The following STAMBP variants were observed in gnomAD, a reference collection of about 807,000 sequenced individuals.
STAMBP encodes the protein STAM binding protein, also known as STAM-binding protein.
In STAMBP, 31 loss-of-function variants were observed where a neutral mutation model predicts 50.7. The ratio of observed to expected loss-of-function variants is 0.61; its 90% CI spans 0.46 to 0.83. The LOEUF (loss-of-function observed/expected upper bound fraction) is 0.83. Ranked by LOEUF, STAMBP falls within the 40% of genes least tolerant of loss-of-function variation. The pLI is 0.00. For synonymous variants in STAMBP, 211 were observed against 192.4 expected (o/e 1.10, Z -0.80); for missense variants, 472 against 518.9 (o/e 0.91, Z 0.88).
chr2:73,830,810 A>G (rs1420777055), intron 1 of STAMBP, 35 bp from the exon 2 acceptor site: 4 of 1,549,768 alleles, frequency 2.6e-6, no homozygotes, highest in Non-Finnish European at 2.7e-6. Context: ...TGATGAGGGC[A>G]ACGGTATTGA....
At chr2:73,846,941 G>T (rs1240188097) in intron 4 of STAMBP, among the ~76,000 whole-genome samples, 4 of 152,000 alleles carry the variant, frequency 2.6e-5, no homozygotes, top group African/African-American at 9.7e-5. Context: ...AATTAGCCAG[G>T]TGTGGTGGTG....
intron 5 of STAMBP, 54 bp downstream of exon 5, chr2:73,847,807 A>T (rs533310244): frequency 1.3e-6 from 2 of 1,560,754 alleles, no homozygotes; most frequent in Admixed American, 3.7e-5. Context: ...AAACAGTATC[A>T]TTCTGACGGG....
intron 7 of STAMBP, among the ~76,000 whole-genome samples, chr2:73,857,238 C>G (rs1677663704): frequency 6.6e-6 from 1 of 152,168 alleles, no homozygotes; most frequent in Non-Finnish European, 1.5e-5. Context: ...GGCCCGATGT[C>G]TTGATGCCTT....
At chr2:73,855,578 A>C in intron 7 of STAMBP, 1 of 456,012 alleles carries the variant, frequency 2.2e-6, no homozygotes, top group Non-Finnish European at 4.4e-6. Flanking sequence ...GTGTTGGCAC[A>C]GGCCACTGCT....
In STAMBP at chr2:73,845,291, T is replaced by C. The variant is rs1032599998; in HGVS notation, c.375+29T>C. 1.1e-5 allele frequency: 17 copies of C among 1,533,918 alleles called. 1 individual carries two copies. The highest frequency in any genetic ancestry group is 1.5e-5 in the Non-Finnish European group (17 of 1,113,990). On this transcript the variant is annotated intron_variant, in intron 4 of 9. Transcript: ENST00000394070. Reference sequence around the variant, plus strand: ...AGTATATAACAGCTAAGAAGAAAATTATTTTGCTTTTTTAGGCTGTGCCCT... The same window carrying C: ...AGTATATAACAGCTAAGAAGAAAATCATTTTGCTTTTTTAGGCTGTGCCCT...
intron 4 of STAMBP, among the ~76,000 whole-genome samples, chr2:73,845,633 AT>A (rs944316554): frequency 0.013 from 1,773 of 136,526 alleles, 14 homozygotes; most frequent in Admixed American, 0.039. Context: ...TTTTCAAGCT[AT>A]TTTTTTTTTT....
intron 7 of STAMBP, among the ~76,000 whole-genome samples, chr2:73,852,845 T>TTG (rs55727735): frequency 0.45 from 57,595 of 127,362 alleles, 14,036 homozygotes; most frequent in South Asian, 0.53. Context: ...GCCTGGCTAA[T>TTG]TGTGTGTGTG....
downstream of STAMBP, among the ~76,000 whole-genome samples, chr2:73,869,802 A>G (rs993338359): frequency 7.9e-5 from 12 of 152,328 alleles, no homozygotes; most frequent in Non-Finnish European, 1.5e-4. Context: ...CGAGGACTAG[A>G]TTAAGAATCA....
chr2:73,852,549 G>A (rs1444987829), intron 7 of STAMBP, among the ~76,000 whole-genome samples: 1 of 152,158 alleles, frequency 6.6e-6, no homozygotes, highest in Non-Finnish European at 1.5e-5. Flanking sequence ...AGCAAGAAAA[G>A]GTTCACTGGC....
In STAMBP at chr2:73,832,108, T is replaced by TATAC. The variant is rs1006072205; in HGVS notation, c.203+1050_203+1051insTACA. Among the ~76,000 whole-genome samples, 58 of 122,804 alleles carry TATAC rather than the reference T, an allele frequency of 4.7e-4. 2 individuals are homozygous for TATAC. The highest frequency in any genetic ancestry group is 1.4e-3 in the Admixed American group (17 of 11,806). The allele number at this position is 122,804 out of a possible 152,430, so 80.6% of individuals were successfully genotyped here. A position where few individuals can be genotyped will look rare whatever the true frequency, so the allele number is the denominator to read the frequency against. ...ACATATATATATATATATATATATA[T>TATAC]ACACATATATATGGTGCACAATTCA... is the stretch of plus-strand genomic sequence containing the variant. On this transcript the variant is annotated intron_variant, in intron 2 of 9. Transcript: ENST00000394070.
In STAMBP at chr2:73,862,612, A is replaced by G. The variant is rs1678468428; in HGVS notation, c.*353A>G. ...TTTTTTTCCTCTCAGCTATCCTTCTAATTTCTCTCTAATTTCAATTTGTTT... is the reference window on the plus strand; with the variant it reads ...TTTTTTTCCTCTCAGCTATCCTTCTGATTTCTCTCTAATTTCAATTTGTTT... On this transcript the variant is annotated 3_prime_UTR_variant, in exon 10 of 10. Coordinates refer to ENST00000394070, the MANE Select transcript of STAMBP (RefSeq NM_213622.4). 1 of 160,052 alleles carries G rather than the reference A, an allele frequency of 6.2e-6. No homozygotes were observed. Among genetic ancestry groups the G allele is most frequent in the African/African-American group, 2.4e-5 (1 of 41,688 alleles). 9.9% of individuals were successfully genotyped at this position (160,052 alleles called of 1,614,324 possible).
At chr2:73,871,416 T>G (rs983830730), downstream of STAMBP, among the ~76,000 whole-genome samples, 2 of 151,590 alleles carry the variant, frequency 1.3e-5, no homozygotes, top group African/African-American at 4.8e-5. Context: ...GGCGTGGTGG[T>G]GGGTGCCTGC....
At chr2:73,867,809 C>A (rs1023500586), downstream of STAMBP, among the ~76,000 whole-genome samples, 8 of 151,720 alleles carry the variant, frequency 5.3e-5, no homozygotes, top group African/African-American at 1.9e-4. Context: ...ACTAGGAAAC[C>A]AGGGGGAAAG....
chr2:73,852,915 CAG>C (rs1419812097), intron 7 of STAMBP, among the ~76,000 whole-genome samples: 6 of 81,102 alleles, frequency 7.4e-5, no homozygotes, highest in Non-Finnish European at 1.5e-4. Flanking sequence ...CTATGTTGGC[CAG>C]GTGTGTGTGT....
At position 73,865,637 on chromosome 2, in the gene STAMBP, G is replaced by A. The variant is rs1457175068; in HGVS notation, c.*3378G>A. The A allele has an allele frequency of 1.3e-5, 2 of 152,194 alleles. No homozygotes were observed. Among genetic ancestry groups the A allele is most frequent in the East Asian group, 3.9e-4 (2 of 5,192 alleles). The allele number at this position is 152,194 out of a possible 1,614,324, so 9.4% of individuals were successfully genotyped here. A position where few individuals can be genotyped will look rare whatever the true frequency, so the allele number is the denominator to read the frequency against. ...AAATTTCTTTAAAATCTGTAAAATG[G>A]GATCAGTCTAATATGCCTACCTCAA... On this transcript the variant is annotated 3_prime_UTR_variant, in exon 10 of 10. Transcript: ENST00000394070.
rs928182469 is a variant in STAMBP at position 73,853,428 on chromosome 2, A to G, written c.1005+2915A>G. Among the ~76,000 whole-genome samples, 10 of 152,216 alleles carry G rather than the reference A, an allele frequency of 6.6e-5. No homozygotes were observed. The East Asian group carries it at 1.9e-3, about 29-fold the overall frequency. On this transcript the variant is annotated intron_variant, in intron 7 of 9. Transcript: ENST00000394070. ...TGTAATAAGAAAGCACACAGAAACT[A>G]AATATATACTTTAGGCCGGGTGCGG...
chr2:73,873,036 T>C (rs1359943232), intron 10 of STAMBP, among the ~76,000 whole-genome samples: 1 of 152,178 alleles, frequency 6.6e-6, no homozygotes, highest in African/African-American at 2.4e-5. Flanking sequence ...GCACAAGATA[T>C]GGTAAATGTA....
chr2:73,859,490 G>T, intron 8 of STAMBP, 124 bp downstream of exon 8: 6 of 761,884 alleles, frequency 7.9e-6, no homozygotes, highest in Non-Finnish European at 1.3e-5. Context: ...AATGTAAGTT[G>T]GTTATTCTAA....
At chr2:73,851,276 A>G (rs765754827) in intron 7 of STAMBP, among the ~76,000 whole-genome samples, 1 of 152,196 alleles carries the variant, frequency 6.6e-6, no homozygotes, top group Non-Finnish European at 1.5e-5. Flanking sequence ...ATTATTGTGT[A>G]TCCCCATCCC....
Sources: gnomAD v4.1 joint callset for allele counts (sites outside exome capture counted in the v4.1 genomes callset) on GRCh38, gnomAD v4.1.1 for gene constraint, MANE v1.5 for transcripts, NCBI Gene and HGNC (gene_info 2026-07-23, HGNC 2026-07-21) for gene names.